LRBA: variants seen among roughly 807,000 people sequenced by gnomAD.
LRBA encodes lipopolysaccharide-responsive and beige-like anchor protein.
In LRBA, 176 loss-of-function variants were observed where a neutral mutation model predicts 330.0. The ratio of observed to expected loss-of-function variants is 0.53; its 90% CI spans 0.47 to 0.60. The LOEUF (loss-of-function observed/expected upper bound fraction) is 0.60. Among genes scored for constraint, LRBA ranks in the 20% least tolerant of loss-of-function variants. The probability of loss-of-function intolerance (pLI) is 0.00; values close to 1 mark genes in which losing one functional copy is unlikely to be tolerated. For synonymous variants in LRBA, 1,230 were observed against 1,193.0 expected, an observed-to-expected ratio of 1.03 and a Z score of -0.64; for missense variants, 3,259 against 3,444.8, an observed-to-expected ratio of 0.95 and a Z score of 1.35.
chr4:150,570,894 A>C (rs1769753861), intron 40 of LRBA, among the ~76,000 whole-genome samples: 1 of 152,170 alleles, frequency 6.6e-6, no homozygotes, highest in Non-Finnish European at 1.5e-5. Context: ...TATTTTTCTA[A>C]TAATACAGAG....
intron 36 of LRBA, among the ~76,000 whole-genome samples, chr4:150,696,817 T>C (rs1784657436): frequency 6.7e-6 from 1 of 148,342 alleles, no homozygotes; most frequent in East Asian, 2.0e-4. Context: ...CAGACCAGCC[T>C]GTAGAGATGG....
intron 29 of LRBA, among the ~76,000 whole-genome samples, chr4:150,831,574 C>G (rs1484009560): frequency 6.6e-6 from 1 of 152,092 alleles, no homozygotes; most frequent in East Asian, 1.9e-4. Context: ...TTTTTCAACT[C>G]TTTTTGTATA....
chr4:150,465,516 CT>C (rs1402458957), intron 44 of LRBA, among the ~76,000 whole-genome samples: 4 of 152,114 alleles, frequency 2.6e-5, no homozygotes, highest in African/African-American at 9.7e-5. Context: ...CGTGCCAACA[CT>C]TGTGATTTTC....
At chr4:150,774,657 T>C (rs976294295) in intron 34 of LRBA, among the ~76,000 whole-genome samples, 5 of 152,160 alleles carry the variant, frequency 3.3e-5, no homozygotes, top group Non-Finnish European at 5.9e-5. Flanking sequence ...TTAAAATGCA[T>C]CAATAAAAGC....
intron 35 of LRBA, 56 bp downstream of exon 35, chr4:150,761,727 G>GA (rs1475317935): frequency 2.5e-6 from 3 of 1,210,416 alleles, no homozygotes; most frequent in Non-Finnish European, 3.5e-6. Context: ...ATGCCTATAG[G>GA]AAAAACCCAA....
chr4:150,577,133 T>G (rs1770648080), intron 40 of LRBA, among the ~76,000 whole-genome samples: 2 of 151,928 alleles, frequency 1.3e-5, no homozygotes, highest in African/African-American at 4.8e-5. Flanking sequence ...CTTTGGAATT[T>G]TAGAAAATTA....
chr4:150,498,148 T>C (rs1221054585), intron 40 of LRBA, among the ~76,000 whole-genome samples: 2 of 152,230 alleles, frequency 1.3e-5, no homozygotes, highest in African/African-American at 2.4e-5. Context: ...GGTAAAACTA[T>C]TTTATTTTAA....
intron 2 of LRBA, among the ~76,000 whole-genome samples, chr4:150,989,798 T>G (rs1487907738): frequency 6.6e-6 from 1 of 151,484 alleles, no homozygotes; most frequent in Non-Finnish European, 1.5e-5. Context: ...AAAAAAAACC[T>G]TTTTGGCACT....
At chr4:150,664,217 T>C (rs1781373502) in intron 37 of LRBA, among the ~76,000 whole-genome samples, 1 of 152,210 alleles carries the variant, frequency 6.6e-6, no homozygotes, top group Admixed American at 6.5e-5. Context: ...CAGACTTCTA[T>C]AACCAAGGGT....
At chr4:150,460,193 C>G (rs1329621907) in intron 44 of LRBA, among the ~76,000 whole-genome samples, 1 of 151,768 alleles carries the variant, frequency 6.6e-6, no homozygotes, top group African/African-American at 2.4e-5. Context: ...GTCTGATCAA[C>G]AACAGTTAAA....
At chr4:150,877,484 C>T (rs1754176998) in intron 17 of LRBA, among the ~76,000 whole-genome samples, 3 of 152,100 alleles carry the variant, frequency 2.0e-5, no homozygotes, top group African/African-American at 7.2e-5. Context: ...AACTTAATTA[C>T]CTTAAATATA....
At chr4:150,827,439 ACT>A (rs976225146) in intron 30 of LRBA, among the ~76,000 whole-genome samples, 4 of 151,822 alleles carry the variant, frequency 2.6e-5, no homozygotes, top group Admixed American at 2.6e-4. Flanking sequence ...ACTTTCTCCA[ACT>A]CTGCTACCTC....
intron 17 of LRBA, among the ~76,000 whole-genome samples, chr4:150,887,559 G>C (rs985106962): frequency 3.3e-5 from 5 of 152,004 alleles, no homozygotes; most frequent in African/African-American, 1.2e-4. Context: ...AGATGGTCAG[G>C]AGATCGAGAC....
At chr4:150,828,930 T>A in intron 29 of LRBA, among the ~76,000 whole-genome samples, 1 of 145,348 alleles carries the variant, frequency 6.9e-6, no homozygotes, top group African/African-American at 2.7e-5. Context: ...GGGGTGTGTG[T>A]GTGTGTGTGT....
At chr4:150,466,435 AT>A (rs1755461877) in intron 44 of LRBA, among the ~76,000 whole-genome samples, 1 of 152,148 alleles carries the variant, frequency 6.6e-6, no homozygotes, top group Non-Finnish European at 1.5e-5. Flanking sequence ...TTCTGCTATG[AT>A]TGGGTATTCA....
At chr4:150,625,571 T>C (rs1056755305) in intron 37 of LRBA, among the ~76,000 whole-genome samples, 1 of 151,936 alleles carries the variant, frequency 6.6e-6, no homozygotes, top group Non-Finnish European at 1.5e-5. Flanking sequence ...GAAAGAGATA[T>C]TATAATTTAA....
intron 40 of LRBA, among the ~76,000 whole-genome samples, chr4:150,554,882 T>G (rs1767093508): frequency 6.6e-6 from 1 of 152,182 alleles, no homozygotes; most frequent in African/African-American, 2.4e-5. Flanking sequence ...AACAGCCTTT[T>G]GTTACATTAA....
At chr4:150,784,693 G>A (rs929632868) in intron 34 of LRBA, among the ~76,000 whole-genome samples, 9 of 152,144 alleles carry the variant, frequency 5.9e-5, no homozygotes, top group African/African-American at 2.2e-4. Flanking sequence ...CTCTGTCTCT[G>A]TACAGGGGAG....
chr4:150,639,949 C>A (rs564533068), intron 37 of LRBA, among the ~76,000 whole-genome samples: 1 of 145,304 alleles, frequency 6.9e-6, no homozygotes, highest in Non-Finnish European at 1.5e-5. Flanking sequence ...CTCCCCCTCC[C>A]GGGTTCAAGC....
Sources: allele counts gnomAD v4.1 joint callset (sites outside exome capture counted in the v4.1 genomes callset), GRCh38; gene constraint gnomAD v4.1.1; transcripts MANE v1.5; gene names NCBI Gene and HGNC (gene_info 2026-07-23, HGNC 2026-07-21).